SAMTOR: variants seen among roughly 807,000 people sequenced by gnomAD.
The protein encoded by SAMTOR is S-adenosylmethionine sensor upstream of mTORC1.
chr7:112,820,826 C>T, the SAMTOR span: 1 of 152,028 alleles, frequency 6.6e-6, no homozygotes, highest in Non-Finnish European at 1.5e-5. Context: ...GCGGCACCTC[C>T]TTAACGGAAA....
chr7:112,885,786 G>A, the SAMTOR span, among the ~76,000 whole-genome samples: 18 of 152,218 alleles, frequency 1.2e-4, no homozygotes, highest in Non-Finnish European at 2.4e-4. Context: ...CTGTTCTGAC[G>A]TCTGCCTGTT....
At chr7:112,831,549 G>A in the SAMTOR span, among the ~76,000 whole-genome samples, 3 of 152,098 alleles carry the variant, frequency 2.0e-5, no homozygotes, top group Admixed American at 6.5e-5. Flanking sequence ...CAGCTATTTA[G>A]GAGGCTGAGG....
At chr7:112,894,038 C>A in the SAMTOR span, among the ~76,000 whole-genome samples, 1 of 152,206 alleles carries the variant, frequency 6.6e-6, no homozygotes, top group South Asian at 2.1e-4. Flanking sequence ...TTAATCACTT[C>A]TAGCTTTTGA....
At chr7:112,925,134 G>C in the SAMTOR span, among the ~76,000 whole-genome samples, 1 of 152,128 alleles carries the variant, frequency 6.6e-6, no homozygotes, top group Non-Finnish European at 1.5e-5. Context: ...TATTTATCAA[G>C]TCTCTAAATA....
the SAMTOR span, among the ~76,000 whole-genome samples, chr7:112,938,952 T>C: frequency 6.6e-6 from 1 of 152,016 alleles, no homozygotes; most frequent in Non-Finnish European, 1.5e-5. Context: ...CCTCATCGCC[T>C]AAATAAACAG....
At chr7:112,850,781 T>C in the SAMTOR span, among the ~76,000 whole-genome samples, 1 of 152,202 alleles carries the variant, frequency 6.6e-6, no homozygotes, top group African/African-American at 2.4e-5. Flanking sequence ...TAACTGTTGC[T>C]TATGTGAATC....
At chr7:112,864,232 C>T in the SAMTOR span, among the ~76,000 whole-genome samples, 1 of 152,028 alleles carries the variant, frequency 6.6e-6, no homozygotes, top group African/African-American at 2.4e-5. Context: ...CACATTGAAA[C>T]CTATTGGAGG....
chr7:112,869,847 A>G, the SAMTOR span, among the ~76,000 whole-genome samples: 1 of 152,222 alleles, frequency 6.6e-6, no homozygotes, highest in East Asian at 1.9e-4. Flanking sequence ...GAAAGATAAT[A>G]TAACCATATT....
chr7:112,833,085 C>G, the SAMTOR span, among the ~76,000 whole-genome samples: 63 of 152,210 alleles, frequency 4.1e-4, no homozygotes, highest in African/African-American at 1.4e-3. Context: ...TCCCCCACCC[C>G]CAACCCCCAT....
the SAMTOR span, among the ~76,000 whole-genome samples, chr7:112,938,841 C>G: frequency 6.6e-6 from 1 of 152,232 alleles, no homozygotes; most frequent in Non-Finnish European, 1.5e-5. Flanking sequence ...GGGGTTCTCA[C>G]CGGAACCCCA....
At chr7:112,939,461 G>T in the SAMTOR span, 2 of 1,417,232 alleles carry the variant, frequency 1.4e-6, no homozygotes, top group Non-Finnish European at 1.9e-6. Context: ...GCCCGGGAGA[G>T]CAGCAGCGGC....
chr7:112,918,276 G>C, the SAMTOR span, among the ~76,000 whole-genome samples: 3 of 152,220 alleles, frequency 2.0e-5, no homozygotes, highest in Non-Finnish European at 4.4e-5. Context: ...AGCCAGAAGA[G>C]AGTGGGGGCC....
At chr7:112,939,811 G>T in the SAMTOR span, 1 of 1,362,002 alleles carries the variant, frequency 7.3e-7, no homozygotes. Flanking sequence ...CCAGATGGAG[G>T]AGGTGGGGTA....
chr7:112,843,718 CA>C, the SAMTOR span, among the ~76,000 whole-genome samples: 1 of 151,882 alleles, frequency 6.6e-6, no homozygotes, highest in Non-Finnish European at 1.5e-5. Context: ...TAGAATTCTA[CA>C]AAGAGCTGGT....
chr7:112,897,182 A>T, the SAMTOR span, among the ~76,000 whole-genome samples: 1 of 152,172 alleles, frequency 6.6e-6, no homozygotes, highest in East Asian at 1.9e-4. Context: ...GGACGAGTGC[A>T]AAGGGGTACA....
At chr7:112,839,324 T>C in the SAMTOR span, among the ~76,000 whole-genome samples, 1 of 151,824 alleles carries the variant, frequency 6.6e-6, no homozygotes, top group Non-Finnish European at 1.5e-5. Context: ...TGCCAACCAA[T>C]ATATTTGAGC....
chr7:112,896,964 A>G, the SAMTOR span, among the ~76,000 whole-genome samples: 9 of 152,210 alleles, frequency 5.9e-5, no homozygotes, highest in Non-Finnish European at 8.8e-5. Flanking sequence ...TTCAAGATAC[A>G]TGAAGTTTAA....
the SAMTOR span, among the ~76,000 whole-genome samples, chr7:112,854,761 T>C: frequency 6.6e-5 from 10 of 152,252 alleles, no homozygotes; most frequent in South Asian, 1.9e-3. Flanking sequence ...TTCTGGAAAA[T>C]TGAGACCAGA....
the SAMTOR span, among the ~76,000 whole-genome samples, chr7:112,925,100 T>A: frequency 6.6e-6 from 1 of 152,220 alleles, no homozygotes; most frequent in Non-Finnish European, 1.5e-5. Context: ...TTCCTCAGTT[T>A]TAGCAACATC....
Sources: allele counts gnomAD v4.1 joint callset (sites outside exome capture counted in the v4.1 genomes callset), GRCh38; gene constraint gnomAD v4.1.1; transcripts MANE v1.5; gene names NCBI Gene and HGNC (gene_info 2026-07-23, HGNC 2026-07-21).